FSTL4: variants seen among roughly 807,000 people sequenced by gnomAD.
FSTL4 encodes the protein follistatin-related protein 4.
In FSTL4, 28 loss-of-function variants were observed where a neutral mutation model predicts 78.2. That is an observed-to-expected ratio of 0.36 (90% CI 0.27 to 0.49). FSTL4 has a LOEUF of 0.49. FSTL4 is among the 20% of genes least tolerant of loss of function. FSTL4 has a pLI of 0.98. For missense variants in FSTL4, 922 were observed against 1,084.9 expected (o/e 0.85, Z 2.11); for synonymous variants, 422 against 440.5 (o/e 0.96, Z 0.53).
intron 14 of FSTL4, among the ~76,000 whole-genome samples, chr5:133,207,073 G>A (rs1456726755): frequency 6.6e-6 from 1 of 152,048 alleles, no homozygotes. Context: ...AAAATTTAAA[G>A]TTTCTTTAGT....
At chr5:133,443,393 A>C (rs1437243159) in intron 3 of FSTL4, among the ~76,000 whole-genome samples, 1 of 152,138 alleles carries the variant, frequency 6.6e-6, no homozygotes, top group Non-Finnish European at 1.5e-5. Context: ...AAATTGTCAC[A>C]CTCTCTAGTG....
intron 7 of FSTL4, among the ~76,000 whole-genome samples, chr5:133,246,194 C>T (rs1306166365): frequency 6.6e-6 from 1 of 152,192 alleles, no homozygotes; most frequent in Non-Finnish European, 1.5e-5. Flanking sequence ...TGCCGGTGAT[C>T]GTATTTCATC....
Position 133,215,583 on chromosome 5 carries a change from T to C in FSTL4, c.1608+1646A>G, listed in dbSNP as rs577325701. ...AATCTGCTCCCTGCCTTGCCTGAAGTCTCTTCTCTTGTAGTGCATTAGTTT... is the reference window on the plus strand; with the variant it reads ...AATCTGCTCCCTGCCTTGCCTGAAGCCTCTTCTCTTGTAGTGCATTAGTTT... On this transcript the variant is annotated intron_variant, in intron 13 of 15. Coordinates refer to ENST00000265342, the MANE Select transcript of FSTL4 (RefSeq NM_015082.2). Among the ~76,000 whole-genome samples the C allele has an allele frequency of 2.6e-4, 40 of 152,320 alleles. 1 individual carries two copies. In the South Asian group the frequency reaches 7.7e-3, roughly 29 times the overall value.
At chr5:133,425,761 G>A (rs1756799558) in intron 3 of FSTL4, among the ~76,000 whole-genome samples, 1 of 152,222 alleles carries the variant, frequency 6.6e-6, no homozygotes, top group African/African-American at 2.4e-5. Flanking sequence ...GGACACAGCA[G>A]AGAATAAGGG....
chr5:133,561,066 G>T (rs923116736), intron 3 of FSTL4, among the ~76,000 whole-genome samples: 1 of 149,798 alleles, frequency 6.7e-6, no homozygotes, highest in Admixed American at 6.7e-5. Context: ...TCCAGCCTGG[G>T]TGACTGAGTG....
the FSTL4 span, among the ~76,000 whole-genome samples, chr5:133,700,952 G>C: frequency 6.6e-6 from 1 of 152,226 alleles, no homozygotes; most frequent in Non-Finnish European, 1.5e-5. Context: ...CCACGGACTT[G>C]AGAAGGACGG....
intron 3 of FSTL4, among the ~76,000 whole-genome samples, chr5:133,468,210 G>C (rs952921879): frequency 2.0e-5 from 3 of 152,324 alleles, no homozygotes; most frequent in Middle Eastern, 6.8e-3. Flanking sequence ...TGCCCACCCA[G>C]CACAGGACCT....
At chr5:133,589,716 C>G (rs1450302484) in intron 2 of FSTL4, among the ~76,000 whole-genome samples, 1 of 152,118 alleles carries the variant, frequency 6.6e-6, no homozygotes, top group Non-Finnish European at 1.5e-5. Context: ...TCTGATGTGA[C>G]GTTGTCTGCT....
chr5:133,203,434 C>T (rs1750391836), intron 14 of FSTL4, among the ~76,000 whole-genome samples: 1 of 152,212 alleles, frequency 6.6e-6, no homozygotes, highest in Non-Finnish European at 1.5e-5. Context: ...TGGCCTGCCT[C>T]CTCAGGCAGG....
In FSTL4 at chr5:133,611,753, G is replaced by A. The variant is rs1317356062; in HGVS notation, c.-11+572C>T. ...CATGCGGCGGACCCCGGGGAAGCCA[G>A]GGCCAGGCGAAGCGCAGCGGGCCCT... is the stretch of plus-strand genomic sequence containing the variant. On this transcript the variant is annotated intron_variant, in intron 1 of 15. Coordinates refer to ENST00000265342, the MANE Select transcript of FSTL4 (RefSeq NM_015082.2). This position sits in a 1 kb window ranked among gnomAD's most constrained non-coding sequence, Gnocchi z 4.9. 5.3e-5 allele frequency among the ~76,000 whole-genome samples: 8 copies of A among 152,194 alleles called. No homozygotes were observed. Among genetic ancestry groups the A allele is most frequent in the Admixed American group, 5.2e-4 (8 of 15,290 alleles).
At chr5:133,565,603 G>A (rs572816977) in intron 3 of FSTL4, among the ~76,000 whole-genome samples, 6 of 152,304 alleles carry the variant, frequency 3.9e-5, no homozygotes, top group South Asian at 2.1e-4. Flanking sequence ...CACTTCCAGC[G>A]GTGGAGAGGT....
At chr5:133,694,891 A>T in the FSTL4 span, among the ~76,000 whole-genome samples, 1 of 152,294 alleles carries the variant, frequency 6.6e-6, no homozygotes, top group South Asian at 2.1e-4. Context: ...TTATAAGGGC[A>T]CTAATCCCAT....
intron 3 of FSTL4, among the ~76,000 whole-genome samples, chr5:133,557,052 C>T (rs1450900838): frequency 6.6e-6 from 1 of 152,188 alleles, no homozygotes; most frequent in Non-Finnish European, 1.5e-5. Context: ...TGCACCTCCC[C>T]AGGTACCTCC....
At chr5:133,643,302 T>C in the FSTL4 span, among the ~76,000 whole-genome samples, 1 of 152,188 alleles carries the variant, frequency 6.6e-6, no homozygotes, top group South Asian at 2.1e-4. Context: ...CAGCCTTGAA[T>C]TATTTGAAAT....
chr5:133,566,266 A>C (rs256334), intron 3 of FSTL4, among the ~76,000 whole-genome samples: 62,187 of 152,058 alleles, frequency 0.41, 13,205 homozygotes, highest in African/African-American at 0.53. Context: ...CATGTATCAA[A>C]GCATGTTGAT....
the FSTL4 span, among the ~76,000 whole-genome samples, chr5:133,749,494 C>T: frequency 6.6e-6 from 1 of 152,224 alleles, no homozygotes; most frequent in African/African-American, 2.4e-5. Context: ...AGCTGAACCC[C>T]TTTGGGCAGT....
chr5:133,748,566 A>ATC, the FSTL4 span, among the ~76,000 whole-genome samples: 3 of 152,078 alleles, frequency 2.0e-5, no homozygotes, highest in East Asian at 5.8e-4. Context: ...GCGAGACTCC[A>ATC]TCTCACACAC....
chr5:133,659,178 T>C, the FSTL4 span, among the ~76,000 whole-genome samples: 2 of 152,162 alleles, frequency 1.3e-5, no homozygotes, highest in African/African-American at 4.8e-5. Context: ...GCTTCAAGTA[T>C]TAGTTTTTGA....
the FSTL4 span, among the ~76,000 whole-genome samples, chr5:133,724,134 G>A: frequency 6.6e-6 from 1 of 152,224 alleles, no homozygotes; most frequent in Admixed American, 6.5e-5. Context: ...TGGGGAAACA[G>A]TGTCAGCTCC....
Sources: allele counts gnomAD v4.1 joint callset (sites outside exome capture counted in the v4.1 genomes callset), GRCh38; gene constraint gnomAD v4.1.1; non-coding constraint Gnocchi (gnomAD v3.1); transcripts MANE v1.5; gene names NCBI Gene and HGNC (gene_info 2026-07-23, HGNC 2026-07-21).